Variants in ANK2 observed in about 807,000 individuals in gnomAD.
ANK2 encodes ankyrin 2, also known as ankyrin-2.
In ANK2, 83 loss-of-function variants were observed where a neutral mutation model predicts 360.5. The ratio of observed to expected loss-of-function variants is 0.23; its 90% CI spans 0.19 to 0.28. The LOEUF is 0.28. Ranked by LOEUF, ANK2 falls within the 10% of genes least tolerant of loss-of-function variation. ANK2 has a pLI of 1.00. For missense variants in ANK2, 4,201 were observed against 4,795.7 expected (o/e 0.88, Z 3.66); for synonymous variants, 1,740 against 1,759.5 (o/e 0.99, Z 0.28).
chr4:113,026,876 C>T (rs549781690), intron 2 of ANK2, among the ~76,000 whole-genome samples: 8 of 152,156 alleles, frequency 5.3e-5, no homozygotes, highest in Non-Finnish European at 1.2e-4. Flanking sequence ...TATTGGAAAC[C>T]TTGGAAAGGG....
intron 2 of ANK2, among the ~76,000 whole-genome samples, chr4:113,185,643 TCC>T (rs1251441594): frequency 1.3e-5 from 2 of 152,174 alleles, no homozygotes; most frequent in Non-Finnish European, 2.9e-5. Context: ...GCAAATTATT[TCC>T]CCATTCTGTA....
Position 113,359,207 on chromosome 4 carries a change from A to C in ANK2, c.10589A>C (p.Glu3530Ala). 1.9e-6 allele frequency: 3 copies of C among 1,613,628 alleles called. No individual in the cohort carries two copies. The highest frequency in any genetic ancestry group is 1.7e-6 in the Non-Finnish European group (2 of 1,179,620). The change falls in exon 38 of 46, where the codon GAG becomes GCG. Residue 3530 changes from glutamate (E) to alanine (A), a missense_variant. This residue lies in a region of ANK2 where 2,642 missense variants were observed against 2,714.5 expected (regional missense o/e 0.97). Transcript: ENST00000357077. ...PPVETEHSVP[E>A]DIFDTRPIWD... is the part of the protein sequence containing the mutation. ...GTTGAGACCGAGCACTCAGTTCCTG[A>C]GGACATCTTTGACACAAGGCCCATT...
chr4:113,298,547 G>A (rs1224698690), intron 22 of ANK2, among the ~76,000 whole-genome samples: 1 of 152,178 alleles, frequency 6.6e-6, no homozygotes, highest in Non-Finnish European at 1.5e-5. Context: ...AAAGCAGAAT[G>A]TTAAGAACTC....
chr4:113,281,624 A>G (rs2062405719), intron 17 of ANK2, among the ~76,000 whole-genome samples: 1 of 152,210 alleles, frequency 6.6e-6, no homozygotes, highest in African/African-American at 2.4e-5. Context: ...CATGTCACTG[A>G]AGGGAAAAGC....
At chr4:112,756,534 A>G in the ANK2 span, among the ~76,000 whole-genome samples, 1 of 152,206 alleles carries the variant, frequency 6.6e-6, no homozygotes, top group Non-Finnish European at 1.5e-5. Context: ...GTATCCAAGT[A>G]CTTGCTAAAG....
Position 112,888,797 on chromosome 4 carries a change from C to G in ANK2, c.-39-15658C>G, listed in dbSNP as rs188012311. ...AATGTTTTTGGTCCAAGTTGAATGG[C>G]GAAGTCTTTTCAAACAGGGAAAGCA... On this transcript the variant is annotated intron_variant, in intron 1 of 30. Transcript: ENST00000503271. Among the ~76,000 whole-genome samples the G allele has an allele frequency of 8.5e-5, 13 of 152,240 alleles. No individual in the cohort carries two copies. The East Asian group carries it at 2.5e-3, about 29-fold the overall frequency.
intron 32 of ANK2, among the ~76,000 whole-genome samples, chr4:113,340,243 G>A (rs939161683): frequency 6.6e-6 from 1 of 152,230 alleles, no homozygotes; most frequent in African/African-American, 2.4e-5. Context: ...GGGATAGCTA[G>A]AGAGGGTATC....
chr4:113,332,689 G>A (rs182950273), intron 28 of ANK2, among the ~76,000 whole-genome samples: 210 of 152,240 alleles, frequency 1.4e-3, no homozygotes, highest in African/African-American at 4.4e-3. Context: ...AAACCATTTC[G>A]TCATTTTGCA....
chr4:113,197,376 AAAC>A (rs2098763568), intron 3 of ANK2, among the ~76,000 whole-genome samples: 2 of 152,376 alleles, frequency 1.3e-5, no homozygotes, highest in South Asian at 4.1e-4. Context: ...TTCATTTCAT[AAAC>A]AACAGACATT....
At chr4:113,152,180 A>G (rs2097123928) in intron 1 of ANK2, 1 of 151,836 alleles carries the variant, frequency 6.6e-6, no homozygotes, top group Non-Finnish European at 1.5e-5. Flanking sequence ...CAAACCAAGT[A>G]TTTGTATTTA....
chr4:112,817,536 C>G (rs533545191), upstream of ANK2, among the ~76,000 whole-genome samples: 1 of 152,214 alleles, frequency 6.6e-6, no homozygotes, highest in South Asian at 2.1e-4. Flanking sequence ...TGCACTGAGT[C>G]TCATGGTTAC....
chr4:113,203,006 G>A (rs922702456), intron 4 of ANK2, among the ~76,000 whole-genome samples: 19 of 152,124 alleles, frequency 1.2e-4, no homozygotes, highest in Admixed American at 1.1e-3. Flanking sequence ...TGGTTCTTTG[G>A]TATCCTAGAT....
intron 1 of ANK2, among the ~76,000 whole-genome samples, chr4:112,834,871 C>G (rs1360721557): frequency 1.3e-5 from 2 of 152,182 alleles, no homozygotes; most frequent in Non-Finnish European, 2.9e-5. Context: ...ACTGGCTCAT[C>G]TATTCTGTAG....
At chr4:113,236,168 C>T (rs1015875246) in intron 5 of ANK2, among the ~76,000 whole-genome samples, 1 of 151,732 alleles carries the variant, frequency 6.6e-6, no homozygotes, top group Non-Finnish European at 1.5e-5. Flanking sequence ...GTAAGTAGAG[C>T]CTAAAATATA....
intron 2 of ANK2, among the ~76,000 whole-genome samples, chr4:112,948,730 CA>C (rs2094729358): frequency 6.6e-6 from 1 of 152,122 alleles, no homozygotes; most frequent in Non-Finnish European, 1.5e-5. Context: ...CCATATATAT[CA>C]AAACGTTATT....
At chr4:113,136,265 C>T (rs2096403665) in intron 1 of ANK2, among the ~76,000 whole-genome samples, 1 of 152,068 alleles carries the variant, frequency 6.6e-6, no homozygotes, top group Non-Finnish European at 1.5e-5. Flanking sequence ...ACAGCAGGCT[C>T]CTAATCTTGT....
chr4:113,108,589 G>T (rs953636957), intron 1 of ANK2, among the ~76,000 whole-genome samples: 11 of 152,092 alleles, frequency 7.2e-5, no homozygotes, highest in Non-Finnish European at 1.3e-4. Context: ...GCATCAGTCA[G>T]CATTTATAGA....
At position 113,318,572 on chromosome 4, in the gene ANK2, C is replaced by T. The variant is rs773635091; in HGVS notation, c.2852C>T (p.Thr951Ile). ...ERNSYRLSWG[T>I]ENLDNVALSS... ...AATTCTTATCGCCTAAGCTGGGGCA[C>T]TGAGAACTTAGACAACGTGGCTCTT... Residue 951 changes from threonine (T) to isoleucine (I), a missense_variant, in exon 26 of 46, where the codon ACT (threonine) becomes ATT (isoleucine). Transcript: ENST00000357077. The T allele has an allele frequency of 4.3e-6, 7 of 1,613,686 alleles. No homozygotes were observed. The highest frequency in any genetic ancestry group is 5.1e-6 in the Non-Finnish European group (6 of 1,179,848).
intron 1 of ANK2, among the ~76,000 whole-genome samples, chr4:112,877,994 T>C (rs2075615891): frequency 6.6e-6 from 1 of 152,218 alleles, no homozygotes; most frequent in Non-Finnish European, 1.5e-5. Flanking sequence ...TTGACTCCTG[T>C]TTGTTGGATT....
Sources: allele counts gnomAD v4.1 joint callset (sites outside exome capture counted in the v4.1 genomes callset), GRCh38; gene constraint gnomAD v4.1.1; regional missense constraint gnomAD v4.1.1; transcripts MANE v1.5; gene names NCBI Gene and HGNC (gene_info 2026-07-23, HGNC 2026-07-21).